The following PEPD variants were observed in gnomAD, a reference collection of about 807,000 sequenced individuals.
PEPD encodes peptidase D, also known as xaa-Pro dipeptidase.
Under a neutral mutation model 60.7 loss-of-function variants are expected in PEPD, and 53 were observed. That is an observed-to-expected ratio of 0.87 (90% confidence interval 0.70 to 1.10). The LOEUF (loss-of-function observed/expected upper bound fraction) is 1.10, where lower values mean the gene tolerates loss of function less well. PEPD is among the 50% of genes least tolerant of loss of function. PEPD has a pLI of 0.00. For synonymous variants in PEPD, 267 were observed against 284.1 expected, an observed-to-expected ratio of 0.94 and a Z score of 0.60; for missense variants, 711 against 711.9, an observed-to-expected ratio of 1.00 and a Z score of 0.01.
At chr19:33,390,214 A>G (rs994638130) in intron 13 of PEPD, among the ~76,000 whole-genome samples, 2 of 152,242 alleles carry the variant, frequency 1.3e-5, no homozygotes, top group African/African-American at 4.8e-5. Context: ...AAAAGATGAA[A>G]ACAGTTTGCT....
chr19:33,466,662 G>A (rs1034595536), intron 7 of PEPD, among the ~76,000 whole-genome samples: 2 of 151,596 alleles, frequency 1.3e-5, no homozygotes, highest in Non-Finnish European at 2.9e-5. Context: ...TATTGGCCAC[G>A]TCCAGGATGT....
chr19:33,391,040 T>C (rs1968205501), intron 13 of PEPD, among the ~76,000 whole-genome samples: 1 of 152,128 alleles, frequency 6.6e-6, no homozygotes, highest in South Asian at 2.1e-4. Flanking sequence ...TCTGGACAGG[T>C]GACACCTGGG....
intron 9 of PEPD, among the ~76,000 whole-genome samples, chr19:33,418,695 A>G (rs1968942963): frequency 6.6e-6 from 1 of 152,172 alleles, no homozygotes; most frequent in Non-Finnish European, 1.5e-5. Flanking sequence ...TAGGTCTTCC[A>G]AAGAGCAGGT....
rs149406115 is a variant in PEPD, at chr19:33,411,722, G to C, written c.768C>G (p.Tyr256Ter). 2.5e-6 allele frequency: 4 copies of C among 1,610,112 alleles called. No homozygotes were observed. Among genetic ancestry groups the C allele is most frequent in the Non-Finnish European group, 2.5e-6 (3 of 1,176,830 alleles). Residue 256 changes from tyrosine to a stop codon, truncating the protein, a stop_gained, in exon 11 of 15, where the codon TAC becomes TAG. Coordinates refer to ENST00000244137, the MANE Select transcript of PEPD (RefSeq NM_000285.4). LOFTEE classifies it high-confidence loss of function. The stretch of plus-strand genomic sequence containing the variant: ...GGTCGTTGGGAGCTCCGGCGTGTCC[G>C]TAGTGTAGCACGGCTGAGTTCTCAC... The part of the protein sequence containing the change: ...GSGENSAVLH[Y>*]GHAGAPNDRT...
chr19:33,484,761 GACAC>G (rs72083881), intron 6 of PEPD, among the ~76,000 whole-genome samples: 1 of 151,432 alleles, frequency 6.6e-6, no homozygotes, highest in Non-Finnish European at 1.5e-5. Context: ...TACACAGATA[GACAC>G]ACACACACAC....
At chr19:33,520,772 C>A (rs572117538) in intron 1 of PEPD, among the ~76,000 whole-genome samples, 192 of 152,286 alleles carry the variant, frequency 1.3e-3, no homozygotes, top group Non-Finnish European at 2.3e-3. Flanking sequence ...ACTGCTCCCT[C>A]CTACACCATG....
intron 4 of PEPD, among the ~76,000 whole-genome samples, chr19:33,494,684 C>A (rs986969944): frequency 1.7e-4 from 26 of 152,362 alleles, no homozygotes; most frequent in Admixed American, 1.5e-3. Context: ...AGTCATCTTA[C>A]ACACAGCATC....
At chr19:33,463,954 T>C in intron 8 of PEPD, 33 bp downstream of exon 8, 1 of 1,454,658 alleles carries the variant, frequency 6.9e-7, no homozygotes, top group Non-Finnish European at 9.6e-7. Flanking sequence ...AACACTGCTT[T>C]CCCCACTCAA....
At chr19:33,459,587 C>T (rs549951107) in intron 9 of PEPD, among the ~76,000 whole-genome samples, 18 of 152,188 alleles carry the variant, frequency 1.2e-4, no homozygotes, top group African/African-American at 3.4e-4. Flanking sequence ...ACCTCAATTG[C>T]GGAAAATGAT....
chr19:33,444,690 A>AC (rs1346415128), intron 9 of PEPD, among the ~76,000 whole-genome samples: 1 of 140,082 alleles, frequency 7.1e-6, no homozygotes, highest in Non-Finnish European at 1.5e-5. Flanking sequence ...CCGTCCACTC[A>AC]CCCCCCAAAG....
chr19:33,520,845 AG>A (rs1394599636), intron 1 of PEPD, among the ~76,000 whole-genome samples: 1 of 152,116 alleles, frequency 6.6e-6, no homozygotes, highest in Non-Finnish European at 1.5e-5. Context: ...CACATAGCTC[AG>A]GGGAGCCTAA....
At chr19:33,394,388 G>A (rs1318908750) in intron 12 of PEPD, among the ~76,000 whole-genome samples, 1 of 152,242 alleles carries the variant, frequency 6.6e-6, no homozygotes, top group African/African-American at 2.4e-5. Flanking sequence ...GCGCCGCCCA[G>A]ATGTGCCGGC....
At chr19:33,423,529 G>A (rs145500072) in intron 9 of PEPD, among the ~76,000 whole-genome samples, 2 of 152,352 alleles carry the variant, frequency 1.3e-5, no homozygotes, top group Middle Eastern at 3.4e-3. Context: ...CTGCCCACAG[G>A]AATGGGAACC....
At chr19:33,459,485 G>A (rs1969886710) in intron 9 of PEPD, among the ~76,000 whole-genome samples, 1 of 152,174 alleles carries the variant, frequency 6.6e-6, no homozygotes, top group South Asian at 2.1e-4. Context: ...TGAAATAATA[G>A]GAGGCGGAAA....
In PEPD at chr19:33,521,654, C is replaced by A. The variant is rs1473151418; in HGVS notation, c.17+90G>T. ...GCGCCTACCCGCGGCATTCAGCGAC[C>A]CCGGCTGACGCTCTCACCCGCGGTC... On this transcript the variant is annotated intron_variant, in intron 1 of 14. Coordinates refer to ENST00000244137, the MANE Select transcript of PEPD (RefSeq NM_000285.4). 6 of 1,394,970 alleles carry A rather than the reference C, an allele frequency of 4.3e-6. No individual in the cohort carries two copies. The East Asian group carries it at 1.5e-4, about 35-fold the overall frequency. 86.4% of individuals were successfully genotyped at this position (1,394,970 alleles called of 1,614,324 possible).
At chr19:33,427,007 C>T (rs536580333) in intron 9 of PEPD, among the ~76,000 whole-genome samples, 3 of 152,352 alleles carry the variant, frequency 2.0e-5, no homozygotes, top group Middle Eastern at 3.4e-3. Flanking sequence ...GGCTGTTAGG[C>T]GTGAACTGCC....
At chr19:33,439,016 C>T (rs2145407529) in intron 9 of PEPD, among the ~76,000 whole-genome samples, 1 of 152,344 alleles carries the variant, frequency 6.6e-6, no homozygotes, top group South Asian at 2.1e-4. Flanking sequence ...GGCGTGCCTT[C>T]TAGTCAAACA....
At chr19:33,477,504 C>T (rs965711136) in intron 7 of PEPD, among the ~76,000 whole-genome samples, 7 of 152,204 alleles carry the variant, frequency 4.6e-5, no homozygotes, top group African/African-American at 7.2e-5. Flanking sequence ...TGGTGGCACA[C>T]TGGGATGCGA....
intron 9 of PEPD, among the ~76,000 whole-genome samples, chr19:33,421,903 C>T (rs567708245): frequency 9.2e-5 from 14 of 152,202 alleles, no homozygotes; most frequent in East Asian, 3.9e-4. Context: ...TGGGAGATGG[C>T]GATGGTGGCT....
Sources: allele counts gnomAD v4.1 joint callset (sites outside exome capture counted in the v4.1 genomes callset), GRCh38; gene constraint gnomAD v4.1.1; transcripts MANE v1.5; gene names NCBI Gene and HGNC (gene_info 2026-07-23, HGNC 2026-07-21).